The following ST6GALNAC2 variants were observed in gnomAD, a reference collection of about 807,000 sequenced individuals.
ST6GALNAC2 encodes the protein ST6 N-acetylgalactosaminide alpha-2,6-sialyltransferase 2.
In ST6GALNAC2, 42 loss-of-function variants were observed where a neutral mutation model predicts 38.7. That is an observed-to-expected ratio of 1.09 (90% CI 0.85 to 1.40). The LOEUF is 1.40. Among genes scored for constraint, ST6GALNAC2 ranks in the 40% most tolerant of loss-of-function variants. The pLI is 0.00. For synonymous variants in ST6GALNAC2, 233 were observed against 209.0 expected (o/e 1.11, Z -0.99); for missense variants, 506 against 481.7 (o/e 1.05, Z -0.47).
chr17:76,584,716 G>T (rs1335150552), intron 1 of ST6GALNAC2, among the ~76,000 whole-genome samples: 4 of 152,202 alleles, frequency 2.6e-5, no homozygotes, highest in African/African-American at 9.7e-5. Context: ...GCAACTTTTG[G>T]TGTATCCTTT....
chr17:76,585,127 C>A (rs1021352763), intron 1 of ST6GALNAC2, among the ~76,000 whole-genome samples: 1 of 152,194 alleles, frequency 6.6e-6, no homozygotes, highest in Non-Finnish European at 1.5e-5. Context: ...GCGGATCGCG[C>A]CCGCACTGGG....
chr17:76,576,622 T>G (rs926480826), intron 2 of ST6GALNAC2, among the ~76,000 whole-genome samples: 2 of 152,210 alleles, frequency 1.3e-5, no homozygotes, highest in African/African-American at 4.8e-5. Context: ...ATGGCTCTGC[T>G]GAGTTGGGTG....
At chr17:76,578,882 C>T (rs2075446433) in intron 1 of ST6GALNAC2, 66 bp from the exon 2 acceptor site, 5 of 1,443,602 alleles carry the variant, frequency 3.5e-6, no homozygotes, top group Non-Finnish European at 4.8e-6. Context: ...AGCTTTTGGA[C>T]TGACCGACCC....
rs2075267642 is a variant in ST6GALNAC2 at position 76,565,496 on chromosome 17, G to C, written c.*608C>G. On this transcript the variant is annotated 3_prime_UTR_variant, in exon 9 of 9. Transcript: ENST00000225276. ...CTGCCAAGCAACTAACCCCCATCAA[G>C]TGCCAGACCCTCCCAGTGTTCTGAG... 1 of 151,588 alleles carries C rather than the reference G, an allele frequency of 6.6e-6. No homozygotes were observed. The highest frequency in any genetic ancestry group is 2.1e-4 in the South Asian group (1 of 4,808). The allele number at this position is 151,588 out of a possible 1,614,324, so 9.4% of individuals were successfully genotyped here.
Position 76,573,299 on chromosome 17 carries a change from C to G in ST6GALNAC2, c.426G>C (p.Arg142Ser), listed in dbSNP as rs925400255. 8 of 1,598,162 alleles carry G rather than the reference C, an allele frequency of 5.0e-6. No homozygotes were observed. Among genetic ancestry groups the G allele is most frequent in the Admixed American group, 3.5e-5 (2 of 57,504 alleles). Residue 142 changes from arginine (R) to serine (S), a missense_variant, in exon 4 of 9, where the codon AGG becomes AGC. Physicochemically the swap from Arg to Ser is moderately radical, Grantham distance 110. Coordinates refer to ENST00000225276, the MANE Select transcript of ST6GALNAC2 (RefSeq NM_006456.3). The surrounding 1 kb of genome is among the most constrained non-coding windows in gnomAD (Gnocchi z 5.1). ...ACCGGATACACTTTGGAGGGGTGTC[C>G]CTGGGCGGGGCAAACAGCTTGGCAC... ...SESAKLFAPP[R>S]DTPPKCIRCA... is the part of the protein sequence containing the mutation.
At chr17:76,567,407 T>G (rs766198446) in intron 8 of ST6GALNAC2, 46 bp downstream of exon 8, 1 of 1,387,140 alleles carries the variant, frequency 7.2e-7, no homozygotes, top group Admixed American at 1.7e-5. Context: ...GGTTCTGTTA[T>G]CCTGTGTTCT....
At chr17:76,569,920 G>A (rs2075334007) in intron 6 of ST6GALNAC2, 3 of 229,964 alleles carry the variant, frequency 1.3e-5, no homozygotes, top group Non-Finnish European at 2.5e-5. Flanking sequence ...CGATTTTTAG[G>A]GACCTGATCT....
At chr17:76,579,152 C>T (rs2075449242) in intron 1 of ST6GALNAC2, among the ~76,000 whole-genome samples, 1 of 152,250 alleles carries the variant, frequency 6.6e-6, no homozygotes, top group South Asian at 2.1e-4. Flanking sequence ...CTCCCGACTT[C>T]AGGTGATCTG....
At chr17:76,576,985 A>AAG (rs1353197810) in intron 2 of ST6GALNAC2, among the ~76,000 whole-genome samples, 1 of 151,606 alleles carries the variant, frequency 6.6e-6, no homozygotes, top group Non-Finnish European at 1.5e-5. Flanking sequence ...AAAAAAAAAA[A>AAG]TGCAAAATGT....
At chr17:76,569,447 T>G (rs2075327226) in intron 6 of ST6GALNAC2, 1 of 210,544 alleles carries the variant, frequency 4.7e-6, no homozygotes, top group Non-Finnish European at 8.7e-6. Context: ...ACCTGAGGAC[T>G]GGGGTTCAGG....
intron 2 of ST6GALNAC2, among the ~76,000 whole-genome samples, chr17:76,577,255 A>T (rs1337725783): frequency 6.7e-6 from 1 of 150,372 alleles, no homozygotes; most frequent in Non-Finnish European, 1.5e-5. Context: ...TTTTGTAGAG[A>T]CAGGGTTTCA....
chr17:76,583,280 G>T (rs1029965230), intron 1 of ST6GALNAC2, among the ~76,000 whole-genome samples: 1 of 151,036 alleles, frequency 6.6e-6, no homozygotes, highest in Non-Finnish European at 1.5e-5. Flanking sequence ...GGAGGCTGAG[G>T]TAGGAGAATG....
Position 76,574,370 on chromosome 17 carries a change from T to G in ST6GALNAC2, c.356A>C (p.His119Pro). The change falls in exon 3 of 9, where the codon CAC becomes CCC. Residue 119 changes from histidine to proline, a missense_variant. Physicochemically the swap from His to Pro is moderately conservative, Grantham distance 77. Coordinates refer to ENST00000225276, the MANE Select transcript of ST6GALNAC2 (RefSeq NM_006456.3). ...KAPYGWRGLS[H>P]QVIASTLSLL... is the part of the protein sequence containing the mutation. The stretch of plus-strand genomic sequence containing the variant: ...AGACAGCGGGCGCGGGTTACCTTGG[T>G]GAGAGAGCCCCCGCCAGCCATACGG... 1 of 1,611,926 alleles carries G rather than the reference T, an allele frequency of 6.2e-7. No homozygotes were observed. Among genetic ancestry groups the G allele is most frequent in the East Asian group, 2.2e-5 (1 of 44,828 alleles).
chr17:76,566,668 C>G (rs1292396885), intron 8 of ST6GALNAC2, among the ~76,000 whole-genome samples: 2 of 147,958 alleles, frequency 1.4e-5, no homozygotes, highest in Admixed American at 1.4e-4. Context: ...CCAGCCTGGG[C>G]AACATGGTAA....
chr17:76,580,728 A>AC (rs35253265), intron 1 of ST6GALNAC2, among the ~76,000 whole-genome samples: 63,382 of 151,508 alleles, frequency 0.42, 15,676 homozygotes, highest in East Asian at 0.57. Flanking sequence ...TCAAAAAAAA[A>AC]AAGAGTGAAA....
intron 1 of ST6GALNAC2, among the ~76,000 whole-genome samples, chr17:76,584,999 G>C (rs916036744): frequency 2.0e-5 from 3 of 152,254 alleles, no homozygotes; most frequent in African/African-American, 7.2e-5. Context: ...TCTCCTCGTG[G>C]GACACCCAGG....
Position 76,565,879 on chromosome 17 carries a change from G to A in ST6GALNAC2, c.*225C>T. On this transcript the variant is annotated 3_prime_UTR_variant, in exon 9 of 9. Coordinates refer to ENST00000225276, the MANE Select transcript of ST6GALNAC2 (RefSeq NM_006456.3). ...CAGCAAAGCAGTCCATTTTCCCTTG[G>A]CCAAGATTGAGATGTATTGTTTTAG... 2.1e-6 allele frequency: 1 copy of A among 479,564 alleles called. No homozygotes were observed. Among genetic ancestry groups the A allele is most frequent in the Non-Finnish European group, 3.7e-6 (1 of 273,442 alleles). 29.7% of individuals were successfully genotyped at this position (479,564 alleles called of 1,614,324 possible).
At chr17:76,568,834 C>G in intron 6 of ST6GALNAC2, 38 bp from the exon 7 acceptor site, 1 of 1,604,928 alleles carries the variant, frequency 6.2e-7, no homozygotes, top group Non-Finnish European at 8.5e-7. Context: ...GCGCCCAGAG[C>G]CGTCGTATTG....
At chr17:76,580,692 C>T (rs1227779915) in intron 1 of ST6GALNAC2, among the ~76,000 whole-genome samples, 2 of 150,274 alleles carry the variant, frequency 1.3e-5, no homozygotes, top group Non-Finnish European at 3.0e-5. Context: ...TGCACTCCAG[C>T]CTGGGTGACA....
Sources: allele counts gnomAD v4.1 joint callset (sites outside exome capture counted in the v4.1 genomes callset), GRCh38; gene constraint gnomAD v4.1.1; non-coding constraint Gnocchi (gnomAD v3.1); transcripts MANE v1.5; gene names NCBI Gene and HGNC (gene_info 2026-07-23, HGNC 2026-07-21).